The following DYNC2H1 variants were observed in gnomAD, a reference collection of about 807,000 sequenced individuals.
DYNC2H1 encodes the protein cytoplasmic dynein 2 heavy chain 1.
Under a neutral mutation model 570.0 loss-of-function variants are expected in DYNC2H1, and 410 were observed. The ratio of observed to expected loss-of-function variants is 0.72; its 90% CI spans 0.66 to 0.78. The LOEUF (loss-of-function observed/expected upper bound fraction) is 0.78. Among genes scored for constraint, DYNC2H1 ranks in the 30% least tolerant of loss-of-function variants. The probability of loss-of-function intolerance (pLI) is 0.00; values close to 1 mark genes in which losing one functional copy is unlikely to be tolerated. For synonymous variants in DYNC2H1, 1,688 were observed against 1,677.6 expected, an observed-to-expected ratio of 1.01 and a Z score of -0.15; for missense variants, 4,865 against 5,046.4, an observed-to-expected ratio of 0.96 and a Z score of 1.09.
chr11:103,336,143 CTT>C (rs1371594963), intron 82 of DYNC2H1, among the ~76,000 whole-genome samples: 2 of 152,032 alleles, frequency 1.3e-5, no homozygotes, highest in Non-Finnish European at 2.9e-5. Flanking sequence ...GTATTCTTCT[CTT>C]GTTTTGTATT....
chr11:103,233,828 T>TTATA (rs202223414), intron 60 of DYNC2H1, among the ~76,000 whole-genome samples: 3 of 50,122 alleles, frequency 6.0e-5, no homozygotes, highest in East Asian at 8.7e-4. Flanking sequence ...ATGCTACACT[T>TTATA]TATGTGTGTG....
intron 87 of DYNC2H1, among the ~76,000 whole-genome samples, chr11:103,467,521 GTTTTGTTTTGT>G (rs1440714390): frequency 1.3e-5 from 1 of 75,402 alleles, no homozygotes; most frequent in African/African-American, 4.7e-5. Context: ...GTTTTGTTTT[GTTTTGTTTTGT>G]TTTGTTTTGT....
intron 82 of DYNC2H1, among the ~76,000 whole-genome samples, chr11:103,342,129 G>T (rs11827470): frequency 0.29 from 44,765 of 151,966 alleles, 6,651 homozygotes; most frequent in South Asian, 0.37. Context: ...GACTTCCTGG[G>T]TTGAGTGGGG....
chr11:103,391,893 G>A (rs1268349626), intron 83 of DYNC2H1, among the ~76,000 whole-genome samples: 3 of 136,738 alleles, frequency 2.2e-5, no homozygotes, highest in African/African-American at 7.4e-5. Context: ...CGTGTGAGGT[G>A]TCATTGTGCC....
At chr11:103,206,145 C>T (rs1047478042) in intron 52 of DYNC2H1, among the ~76,000 whole-genome samples, 2 of 152,102 alleles carry the variant, frequency 1.3e-5, no homozygotes, top group African/African-American at 4.8e-5. Flanking sequence ...ATTCTGCATA[C>T]ATTTTGCAGT....
At position 103,173,203 on chromosome 11, in the gene DYNC2H1, A is replaced by G. The variant is rs746559230; in HGVS notation, c.5456A>G (p.His1819Arg). ...CTTTTCAGGCCCGTAGCTATGTCTC[A>G]TCCAGACAATGAGCTTATTGCAGAA... The part of the protein sequence containing the change: ...KQLFRPVAMS[H>R]PDNELIAEVI... The change falls in exon 35 of 89, where the codon CAT (histidine) becomes CGT (arginine). Residue 1819 changes from histidine (H) to arginine (R), a missense_variant. Physicochemically the swap from His to Arg is conservative, Grantham distance 29. Transcript: ENST00000375735. 4.4e-6 allele frequency: 7 copies of G among 1,602,650 alleles called. No homozygotes were observed. Among genetic ancestry groups the G allele is most frequent in the Middle Eastern group, 1.7e-4 (1 of 6,054 alleles).
At chr11:103,440,776 A>G (rs1440187108) in intron 85 of DYNC2H1, among the ~76,000 whole-genome samples, 2 of 152,112 alleles carry the variant, frequency 1.3e-5, no homozygotes, top group East Asian at 3.9e-4. Context: ...TTTTGGAATC[A>G]TTGTTTACTT....
At chr11:103,436,322 A>G (rs1419096309) in intron 85 of DYNC2H1, among the ~76,000 whole-genome samples, 2 of 152,118 alleles carry the variant, frequency 1.3e-5, no homozygotes, top group East Asian at 1.9e-4. Flanking sequence ...CTGACACTGA[A>G]TCATCACTGT....
intron 22 of DYNC2H1, among the ~76,000 whole-genome samples, chr11:103,153,920 A>G (rs1024069832): frequency 2.0e-5 from 3 of 151,958 alleles, no homozygotes; most frequent in Non-Finnish European, 4.4e-5. Flanking sequence ...ATAATAATAT[A>G]AAGTATTAAA....
rs1237737155 is a variant in DYNC2H1 at position 103,249,685 on chromosome 11, T to G, written c.10043-3600T>G. Among the ~76,000 whole-genome samples the G allele has an allele frequency of 6.6e-6, 1 of 152,040 alleles. No individual in the cohort carries two copies. The highest frequency in any genetic ancestry group is 2.4e-5 in the African/African-American group (1 of 41,420). On this transcript the variant is annotated intron_variant, in intron 65 of 88. Coordinates refer to ENST00000375735, the MANE Select transcript of DYNC2H1 (RefSeq NM_001377.3). This position sits in a 1 kb window ranked among gnomAD's most constrained non-coding sequence, Gnocchi z 4.6. ...GTACTCCTGTTGAACATAAATCATT[T>G]CATAAAACACCAACATCAGAGAGGT...
At chr11:103,384,372 A>G (rs1941791425) in intron 83 of DYNC2H1, among the ~76,000 whole-genome samples, 1 of 152,008 alleles carries the variant, frequency 6.6e-6, no homozygotes, top group Admixed American at 6.6e-5. Flanking sequence ...TATACTTTTA[A>G]CGTTAACTTT....
chr11:103,360,029 A>G (rs1163759243), intron 83 of DYNC2H1, among the ~76,000 whole-genome samples: 1 of 152,050 alleles, frequency 6.6e-6, no homozygotes, highest in Admixed American at 6.6e-5. Context: ...TTTCTGCCAC[A>G]ACACACCCCC....
intron 83 of DYNC2H1, among the ~76,000 whole-genome samples, chr11:103,385,486 C>T (rs957734629): frequency 1.3e-5 from 2 of 152,062 alleles, no homozygotes; most frequent in Non-Finnish European, 2.9e-5. Flanking sequence ...AAACCCTAGT[C>T]TTATGACTCT....
intron 17 of DYNC2H1, among the ~76,000 whole-genome samples, chr11:103,138,239 C>T (rs1020661442): frequency 6.6e-6 from 1 of 151,990 alleles, no homozygotes. Context: ...TGCCTAATTG[C>T]CCTGGCCAGA....
At position 103,321,210 on chromosome 11, in the gene DYNC2H1, A is replaced by G. The variant is rs761013012; in HGVS notation, c.11907A>G (p.Val3969=). Residue 3969 remains valine, a synonymous_variant, in exon 81 of 89, where the codon GTA becomes GTG. Transcript: ENST00000375735. ...RNKKSIFPYS[V]SLPQSCSILD... ...AGAAAAGCATTTTTCCATATTCCGT[A>G]TCTCTACCACAATCCTGCAGCATTT... The G allele has an allele frequency of 4.3e-6, 7 of 1,609,830 alleles. No homozygotes were observed. Among genetic ancestry groups the G allele is most frequent in the Non-Finnish European group, 5.1e-6 (6 of 1,177,636 alleles).
chr11:103,318,191 C>G (rs2073060747), intron 80 of DYNC2H1, among the ~76,000 whole-genome samples: 1 of 152,092 alleles, frequency 6.6e-6, no homozygotes, highest in Non-Finnish European at 1.5e-5. Context: ...TTATGGCTCA[C>G]TGAAATTTCC....
At chr11:103,356,486 CTT>C (rs928453016) in intron 82 of DYNC2H1, among the ~76,000 whole-genome samples, 2 of 149,956 alleles carry the variant, frequency 1.3e-5, no homozygotes, top group African/African-American at 4.9e-5. Flanking sequence ...AATTTGCACT[CTT>C]TTTCCTTTAG....
At chr11:103,194,483 G>A (rs1041557330) in intron 47 of DYNC2H1, among the ~76,000 whole-genome samples, 1 of 152,074 alleles carries the variant, frequency 6.6e-6, no homozygotes, top group Non-Finnish European at 1.5e-5. Flanking sequence ...ACTTTTTTAA[G>A]CAACTAACAG....
chr11:103,259,026 C>T (rs1470760301), intron 69 of DYNC2H1, among the ~76,000 whole-genome samples: 1 of 152,176 alleles, frequency 6.6e-6, no homozygotes, highest in Admixed American at 6.5e-5. Context: ...ATCTGAGTTC[C>T]AGTTCATAAT....
Sources: allele counts gnomAD v4.1 joint callset (sites outside exome capture counted in the v4.1 genomes callset), GRCh38; gene constraint gnomAD v4.1.1; non-coding constraint Gnocchi (gnomAD v3.1); transcripts MANE v1.5; gene names NCBI Gene and HGNC (gene_info 2026-07-23, HGNC 2026-07-21).